STK33: variants seen among roughly 807,000 people sequenced by gnomAD.
STK33 encodes serine/threonine kinase 33, also known as serine/threonine-protein kinase 33.
A neutral mutation model predicts 58.0 loss-of-function variants in STK33; 52 were observed. The ratio of observed to expected loss-of-function variants is 0.90; its 90% CI spans 0.72 to 1.13. The LOEUF (loss-of-function observed/expected upper bound fraction) is 1.13, where lower values mean the gene tolerates loss of function less well. Among genes scored for constraint, STK33 ranks in the 50% most tolerant of loss-of-function variants. The probability of loss-of-function intolerance (pLI) is 0.00; values close to 1 mark genes in which losing one functional copy is unlikely to be tolerated. For synonymous variants in STK33, 215 were observed against 200.1 expected (o/e 1.07, Z -0.63); for missense variants, 630 against 604.2 (o/e 1.04, Z -0.45).
intron 1 of STK33, among the ~76,000 whole-genome samples, chr11:8,538,968 C>A (rs1176071477): frequency 6.6e-6 from 1 of 152,118 alleles, no homozygotes; most frequent in Non-Finnish European, 1.5e-5. Context: ...AGAAGGATGT[C>A]TAAAAATAAG....
chr11:8,491,531 T>C (rs532869299), intron 1 of STK33, among the ~76,000 whole-genome samples: 3 of 152,268 alleles, frequency 2.0e-5, no homozygotes, highest in African/African-American at 4.8e-5. Context: ...CAGGATATTA[T>C]CCAGGAGAAT....
At chr11:8,538,746 T>C (rs1955254704) in intron 1 of STK33, among the ~76,000 whole-genome samples, 1 of 152,182 alleles carries the variant, frequency 6.6e-6, no homozygotes, top group African/African-American at 2.4e-5. Context: ...GTTGAATGAA[T>C]GAACACACAC....
chr11:8,435,505 G>A lies in STK33; in HGVS notation c.1135C>T (p.Gln379Ter). 6.9e-7 allele frequency: 1 copy of A among 1,458,502 alleles called. No individual in the cohort carries two copies. Among genetic ancestry groups the A allele is most frequent in the Non-Finnish European group, 9.2e-7 (1 of 1,089,172 alleles). 90.3% of individuals were successfully genotyped at this position (1,458,502 alleles called of 1,614,324 possible). A position where few individuals can be genotyped will look rare whatever the true frequency, so the allele number is the denominator to read the frequency against. The change falls in exon 14 of 16, where the codon CAG (glutamine) becomes TAG (stop). Residue 379 changes from glutamine (Q) to a stop codon, truncating the protein, a stop_gained. Coordinates refer to ENST00000687296, the MANE Select transcript of STK33 (RefSeq NM_001352389.2). LOFTEE classifies it high-confidence loss of function. ...ATATTGTAACTTACTGTTAACCACT[G>A]GTTATCTAGTAGTTCCTTAGCTGTG... ...RITAKELLDN[Q>*]WLTGNKLSSV... is the part of the protein sequence containing the mutation.
intron 5 of STK33, among the ~76,000 whole-genome samples, chr11:8,473,519 C>T (rs1265133596): frequency 1.3e-5 from 2 of 152,090 alleles, no homozygotes; most frequent in Non-Finnish European, 2.9e-5. Context: ...TACATGATAA[C>T]CAGCATAGCA....
intron 1 of STK33, among the ~76,000 whole-genome samples, chr11:8,501,877 T>C (rs79917964): frequency 0.011 from 1,708 of 152,262 alleles, 40 homozygotes; most frequent in African/African-American, 0.037. Context: ...GCCACTGATA[T>C]ATATTCAACA....
At chr11:8,430,866 A>AT (rs11423343) in intron 14 of STK33, among the ~76,000 whole-genome samples, 20,218 of 133,810 alleles carry the variant, frequency 0.15, 1,765 homozygotes, top group African/African-American at 0.19. Flanking sequence ...CCTTAACATA[A>AT]TTTTTTTTTT....
At chr11:8,528,358 T>C (rs1954232288) in intron 1 of STK33, among the ~76,000 whole-genome samples, 2 of 152,230 alleles carry the variant, frequency 1.3e-5, no homozygotes, top group African/African-American at 4.8e-5. Context: ...AAACAATGTA[T>C]AGCCAAACAA....
chr11:8,542,728 A>ACTT (rs1955616372), intron 1 of STK33, among the ~76,000 whole-genome samples: 2 of 150,776 alleles, frequency 1.3e-5, no homozygotes, highest in African/African-American at 4.8e-5. Flanking sequence ...TTTAGTTTGC[A>ACTT]CTTTTTTTTT....
intron 1 of STK33, among the ~76,000 whole-genome samples, chr11:8,550,443 C>A (rs1179177980): frequency 1.3e-5 from 2 of 152,172 alleles, no homozygotes; most frequent in African/African-American, 4.8e-5. Context: ...CCACACTCAA[C>A]CGGGATTTTC....
At chr11:8,443,596 T>C (rs961098785) in intron 11 of STK33, among the ~76,000 whole-genome samples, 2 of 124,336 alleles carry the variant, frequency 1.6e-5, no homozygotes, top group African/African-American at 2.9e-5. Flanking sequence ...GAACACCGTA[T>C]GGCAAAAAAA....
the STK33 span, among the ~76,000 whole-genome samples, chr11:8,378,138 T>G: frequency 7.2e-5 from 11 of 152,268 alleles, no homozygotes; most frequent in African/African-American, 2.2e-4. Context: ...GAGGCCTCAG[T>G]AAACTTACAA....
In STK33 at chr11:8,449,802, A is replaced by C. The variant is rs542689626; in HGVS notation, c.871+3020T>G. On this transcript the variant is annotated intron_variant, in intron 11 of 15. Coordinates refer to ENST00000687296, the MANE Select transcript of STK33 (RefSeq NM_001352389.2). Reference sequence around the variant, plus strand: ...AATAAAAGAAAGAAAGAAAGAAAAAAGCTCATCATCACTGGTCTTTAGAGA... The same window carrying C: ...AATAAAAGAAAGAAAGAAAGAAAAACGCTCATCATCACTGGTCTTTAGAGA... Among the ~76,000 whole-genome samples the C allele has an allele frequency of 1.1e-3, 166 of 152,286 alleles. 1 individual carries two copies. The highest frequency in any genetic ancestry group is 2.0e-3 in the Non-Finnish European group (133 of 68,010).
At chr11:8,586,266 G>A (rs979043893) in intron 1 of STK33, among the ~76,000 whole-genome samples, 2 of 150,598 alleles carry the variant, frequency 1.3e-5, no homozygotes, top group Non-Finnish European at 2.9e-5. Flanking sequence ...AACCCAACCT[G>A]GCATAACAGG....
chr11:8,572,043 ATT>A lies in STK33; in HGVS notation c.-466+22038_-466+22039del, dbSNP rs200943988. ...AATTTTAATTTTAAAAAATAAATTA[ATT>A]AATTAATTAATTTTAAAATTAAAAA... is the stretch of plus-strand genomic sequence containing the variant. On this transcript the variant is annotated intron_variant, in intron 1 of 15. Coordinates refer to ENST00000687296, the MANE Select transcript of STK33 (RefSeq NM_001352389.2). Among the ~76,000 whole-genome samples, 34 of 13,728 alleles carry A rather than the reference ATT, an allele frequency of 2.5e-3. 3 individuals are homozygous for A. The highest frequency in any genetic ancestry group is 9.9e-3 in the East Asian group (6 of 608). The allele number at this position is 13,728 out of a possible 152,430, so 9.0% of individuals were successfully genotyped here. A position where few individuals can be genotyped will look rare whatever the true frequency, so the allele number is the denominator to read the frequency against.
At chr11:8,348,151 G>A in the STK33 span, among the ~76,000 whole-genome samples, 8 of 152,212 alleles carry the variant, frequency 5.3e-5, no homozygotes, top group Non-Finnish European at 7.3e-5. Context: ...TTTTCCTGCT[G>A]CATTTTAGTG....
intron 9 of STK33, among the ~76,000 whole-genome samples, chr11:8,455,810 CA>C (rs1156835375): frequency 0.07 from 3,287 of 46,984 alleles, 19 homozygotes; most frequent in South Asian, 0.098. Context: ...GACTCTGTCT[CA>C]AAAAAAAAAA....
intron 15 of STK33, among the ~76,000 whole-genome samples, chr11:8,406,585 T>A (rs1359664611): frequency 6.6e-6 from 1 of 152,210 alleles, no homozygotes; most frequent in East Asian, 1.9e-4. Flanking sequence ...ATATTTTGCA[T>A]ATATTTTGTT....
chr11:8,518,211 T>C lies in STK33; in HGVS notation c.-465-37597A>G, dbSNP rs560011561. ...TCAACATTCTTAAAGAAAAGAATTT[T>C]CAACCCAGAATTTCATATCCAGCCA... On this transcript the variant is annotated intron_variant, in intron 1 of 15. Coordinates refer to ENST00000687296, the MANE Select transcript of STK33 (RefSeq NM_001352389.2). Among the ~76,000 whole-genome samples, 13 of 152,296 alleles carry C rather than the reference T, an allele frequency of 8.5e-5. No homozygotes were observed. The South Asian group carries it at 2.7e-3, about 32-fold the overall frequency.
At chr11:8,453,037 CATT>C (rs1204406053) in intron 10 of STK33, 131 bp from the exon 11 acceptor site, 1 of 774,484 alleles carries the variant, frequency 1.3e-6, no homozygotes, top group Non-Finnish European at 2.2e-6. Context: ...TTAATTGAAT[CATT>C]AATAAAAATT....
Sources: gnomAD v4.1 joint callset for allele counts (sites outside exome capture counted in the v4.1 genomes callset) on GRCh38, gnomAD v4.1.1 for gene constraint, MANE v1.5 for transcripts, NCBI Gene and HGNC (gene_info 2026-07-23, HGNC 2026-07-21) for gene names.